Variants in NCOR1 observed in about 807,000 individuals in gnomAD.
NCOR1 encodes nuclear receptor corepressor 1, also known as protein phosphatase 1, regulatory subunit 109.
In NCOR1, 63 loss-of-function variants were observed where a neutral mutation model predicts 288.1. That is an observed-to-expected ratio of 0.22 (90% CI 0.18 to 0.27). The LOEUF (loss-of-function observed/expected upper bound fraction) is 0.27, where lower values mean the gene tolerates loss of function less well. Among genes scored for constraint, NCOR1 ranks in the 10% least tolerant of loss-of-function variants. The pLI, the probability that NCOR1 is intolerant of heterozygous loss-of-function variation, is 1.00. For missense variants in NCOR1, 2,397 were observed against 3,019.2 expected (o/e 0.79, Z 4.83); for synonymous variants, 1,007 against 1,065.9 (o/e 0.94, Z 1.08).
At chr17:16,087,455 G>T in intron 22 of NCOR1, 1 of 577,380 alleles carries the variant, frequency 1.7e-6, no homozygotes, top group Non-Finnish European at 2.6e-6. Context: ...TAACATTAAA[G>T]TCTAAAACTC....
chr17:16,208,741 C>A (rs2091839166), intron 1 of NCOR1, among the ~76,000 whole-genome samples: 1 of 151,874 alleles, frequency 6.6e-6, no homozygotes, highest in Admixed American at 6.6e-5. Context: ...CCCAGCTACT[C>A]AGAAGAACCG....
chr17:16,212,912 C>CA (rs1004252574), intron 1 of NCOR1, among the ~76,000 whole-genome samples: 58 of 144,658 alleles, frequency 4.0e-4, no homozygotes, highest in East Asian at 2.6e-3. Flanking sequence ...TCTCTACAAA[C>CA]AAAAAAAAAA....
rs540804011 is a variant in NCOR1, at chr17:16,162,890, G to A, written c.618+2089C>T. Reference sequence around the variant, plus strand: ...TAAATGAACACTGACTATACAACATGTAGTTTCCAGTGGATTAAGAATAAG... The same window carrying A: ...TAAATGAACACTGACTATACAACATATAGTTTCCAGTGGATTAAGAATAAG... On this transcript the variant is annotated intron_variant, in intron 5 of 45. Coordinates refer to ENST00000268712, the MANE Select transcript of NCOR1 (RefSeq NM_006311.4). 1.4e-4 allele frequency among the ~76,000 whole-genome samples: 22 copies of A among 152,246 alleles called. 1 individual carries two copies. The highest frequency in any genetic ancestry group is 5.1e-4 in the African/African-American group (21 of 41,564).
At chr17:16,166,927 T>C (rs1159152288) in intron 4 of NCOR1, among the ~76,000 whole-genome samples, 1 of 152,216 alleles carries the variant, frequency 6.6e-6, no homozygotes, top group Non-Finnish European at 1.5e-5. Flanking sequence ...TAAGTCTTCA[T>C]GTGTTGTGAA....
chr17:16,084,903 A>T (rs1253746904), intron 23 of NCOR1, among the ~76,000 whole-genome samples: 1 of 152,206 alleles, frequency 6.6e-6, no homozygotes, highest in Admixed American at 6.5e-5. Flanking sequence ...GCAGGCCAAG[A>T]TTTCTTAGCA....
At chr17:16,128,138 C>A (rs1311725056) in intron 14 of NCOR1, among the ~76,000 whole-genome samples, 1 of 152,196 alleles carries the variant, frequency 6.6e-6, no homozygotes, top group Non-Finnish European at 1.5e-5. Flanking sequence ...AGAACTCCAA[C>A]ACATCTTTCC....
At chr17:16,151,051 T>C (rs2153376669) in intron 8 of NCOR1, among the ~76,000 whole-genome samples, 1 of 151,182 alleles carries the variant, frequency 6.6e-6, no homozygotes, top group African/African-American at 2.4e-5. Flanking sequence ...AATAAATATA[T>C]ATATATAAAA....
intron 43 of NCOR1, 181 bp downstream of exon 43, chr17:16,040,260 T>C (rs1264180278): frequency 1.4e-6 from 1 of 691,918 alleles, no homozygotes; most frequent in East Asian, 2.8e-5. Context: ...AATAGGTATT[T>C]ACTGGATCTC....
chr17:16,109,260 TC>T (rs1250257514), intron 18 of NCOR1, among the ~76,000 whole-genome samples: 2 of 151,954 alleles, frequency 1.3e-5, no homozygotes, highest in African/African-American at 2.4e-5. Context: ...ATATATTTTT[TC>T]TAAAGATAAT....
chr17:16,098,622 T>C (rs796438709), intron 20 of NCOR1, 126 bp from the exon 21 acceptor site: 11 of 705,804 alleles, frequency 1.6e-5, no homozygotes, highest in African/African-American at 1.5e-4. Context: ...GACACACATA[T>C]ATTAACCCAT....
chr17:16,127,613 G>GTATA (rs1230554066), intron 14 of NCOR1, among the ~76,000 whole-genome samples: 14 of 132,608 alleles, frequency 1.1e-4, no homozygotes, highest in African/African-American at 4.1e-4. Context: ...ATACATATGT[G>GTATA]TATGTGTATA....
chr17:16,202,524 A>G (rs564885015), intron 1 of NCOR1, among the ~76,000 whole-genome samples: 1 of 152,208 alleles, frequency 6.6e-6, no homozygotes. Context: ...TAATGTAGAT[A>G]TTTGGCCTGA....
intron 1 of NCOR1, among the ~76,000 whole-genome samples, chr17:16,199,220 C>A (rs200194296): frequency 3.6e-3 from 255 of 71,798 alleles, no homozygotes; most frequent in Middle Eastern, 0.02. Flanking sequence ...AAAAAAAACA[C>A]ACACACACAC....
intron 23 of NCOR1, among the ~76,000 whole-genome samples, chr17:16,085,404 T>A (rs1444110336): frequency 6.6e-6 from 1 of 152,066 alleles, no homozygotes; most frequent in African/African-American, 2.4e-5. Context: ...AATAAAAACA[T>A]ATGTCCACAA....
intron 1 of NCOR1, among the ~76,000 whole-genome samples, 164 bp downstream of exon 1, chr17:16,215,198 G>A (rs1020951766): frequency 2.0e-5 from 3 of 152,154 alleles, no homozygotes; most frequent in African/African-American, 7.2e-5. Context: ...GCTGCCGAGT[G>A]GAAGAGGCCA....
chr17:16,040,646 GTA>G (rs768611433), intron 42 of NCOR1, 152 bp from the exon 43 acceptor site: 2 of 760,450 alleles, frequency 2.6e-6, no homozygotes, highest in South Asian at 3.3e-5. Flanking sequence ...TAAAATGGAA[GTA>G]TTTTTTTTTT....
chr17:16,142,968 T>C (rs1194716110), intron 11 of NCOR1, among the ~76,000 whole-genome samples: 4 of 152,212 alleles, frequency 2.6e-5, no homozygotes, highest in Admixed American at 2.0e-4. Flanking sequence ...TTCTTGTTCA[T>C]AGATGAATCT....
At chr17:16,159,074 TTAGA>T (rs2080289214) in intron 5 of NCOR1, among the ~76,000 whole-genome samples, 1 of 112,224 alleles carries the variant, frequency 8.9e-6, no homozygotes, top group Non-Finnish European at 1.8e-5. Context: ...CAAATTTTCA[TTAGA>T]TAGAGTTTAA....
chr17:16,092,150 T>G, intron 21 of NCOR1, 92 bp from the exon 22 acceptor site: 1 of 1,418,232 alleles, frequency 7.1e-7, no homozygotes, highest in Non-Finnish European at 9.7e-7. Flanking sequence ...TCTGTCATGT[T>G]ATTGGTTGAA....
Sources: allele counts gnomAD v4.1 joint callset (sites outside exome capture counted in the v4.1 genomes callset), GRCh38; gene constraint gnomAD v4.1.1; transcripts MANE v1.5; gene names NCBI Gene and HGNC (gene_info 2026-07-23, HGNC 2026-07-21).